The following CDCA2 variants were observed in gnomAD, a reference collection of about 807,000 sequenced individuals.
CDCA2 encodes the protein cell division cycle associated 2.
CDCA2 carries 44 observed loss-of-function variants against 67.0 expected under a neutral mutation model. That is an observed-to-expected ratio of 0.66 (90% CI 0.52 to 0.84). The LOEUF (loss-of-function observed/expected upper bound fraction) is 0.84. Ranked by LOEUF, CDCA2 falls within the 40% of genes least tolerant of loss-of-function variation. CDCA2 has a pLI of 0.00. For missense variants in CDCA2, 1,253 were observed against 1,203.2 expected, an observed-to-expected ratio of 1.04 and a Z score of -0.61; for synonymous variants, 447 against 418.7, an observed-to-expected ratio of 1.07 and a Z score of -0.82.
At position 25,468,451 on chromosome 8, in the gene CDCA2, T is replaced by C. The variant is rs1310469974; in HGVS notation, c.735+38T>C. On this transcript the variant is annotated intron_variant, in intron 6 of 14. Coordinates refer to ENST00000330560, the MANE Select transcript of CDCA2 (RefSeq NM_152562.4). ...CTTTACGCATAGGAAAATGAAGTTG[T>C]TGGTTTTCTGCATAGGCAGTTTTAA... The C allele has an allele frequency of 3.8e-6, 6 of 1,567,788 alleles. No homozygotes were observed. In the African/African-American group the frequency reaches 5.4e-5, roughly 14 times the overall value.
In CDCA2 at chr8:25,507,492, G is replaced by A; in HGVS notation, c.2826G>A (p.Val942=). Residue 942 remains valine, a synonymous_variant, in exon 15 of 15, where the codon GTG becomes GTA. Coordinates refer to ENST00000330560, the MANE Select transcript of CDCA2 (RefSeq NM_152562.4). The stretch of plus-strand genomic sequence containing the variant: ...GTATGTCTCCCATAAAAGAAACTGT[G>A]TCCTCCAGACAAAAACCGCAGATGG... ...FESMSPIKET[V]SSRQKPQMAP... 1.2e-6 allele frequency: 2 copies of A among 1,613,844 alleles called. No homozygotes were observed. The highest frequency in any genetic ancestry group is 1.7e-6 in the Non-Finnish European group (2 of 1,179,950).
intron 7 of CDCA2, among the ~76,000 whole-genome samples, chr8:25,473,967 C>CA (rs1006006085): frequency 1.3e-5 from 2 of 151,938 alleles, no homozygotes; most frequent in Non-Finnish European, 2.9e-5. Context: ...TTGTCAGATA[C>CA]AAAAAAAGGT....
At chr8:25,494,567 A>T (rs937972690) in intron 13 of CDCA2, among the ~76,000 whole-genome samples, 3 of 152,144 alleles carry the variant, frequency 2.0e-5, no homozygotes, top group African/African-American at 2.4e-5. Context: ...TGGTATCCAC[A>T]GGAGGTCCTG....
chr8:25,481,639 G>A (rs934205230), intron 8 of CDCA2, among the ~76,000 whole-genome samples: 3 of 152,058 alleles, frequency 2.0e-5, no homozygotes, highest in African/African-American at 4.8e-5. Context: ...TCAGTGAGCC[G>A]AGATTGTGCC....
At position 25,506,864 on chromosome 8, in the gene CDCA2, T is replaced by C. The variant is rs1429945962; in HGVS notation, c.2198T>C (p.Leu733Pro). ...GATAGTCCCAAACCTGCTCTGACCC[T>C]GCAGCAGGGTCAAGAATTTTCTGCT... The part of the protein sequence containing the change: ...ASDSPKPALT[L>P]QQGQEFSAGG... Residue 733 changes from leucine (L) to proline (P), a missense_variant, in exon 15 of 15, where the codon CTG (leucine) becomes CCG (proline). Physicochemically the swap from Leu to Pro is moderately conservative, Grantham distance 98. Transcript: ENST00000330560. 1 of 1,613,056 alleles carries C rather than the reference T, an allele frequency of 6.2e-7. No homozygotes were observed. The highest frequency in any genetic ancestry group is 8.5e-7 in the Non-Finnish European group (1 of 1,179,684).
chr8:25,467,505 GA>G (rs1309083791), intron 5 of CDCA2, among the ~76,000 whole-genome samples: 1 of 151,476 alleles, frequency 6.6e-6, no homozygotes, highest in Non-Finnish European at 1.5e-5. Context: ...TTTTTAGCTA[GA>G]AAAAAACAGG....
At chr8:25,489,037 C>G (rs1026735325) in intron 13 of CDCA2, among the ~76,000 whole-genome samples, 10 of 152,084 alleles carry the variant, frequency 6.6e-5, no homozygotes, top group Admixed American at 4.6e-4. Flanking sequence ...CCGCTTGCTA[C>G]TTCTTAGATT....
At position 25,462,210 on chromosome 8, in the gene CDCA2, T is replaced by A. The variant is rs781554956; in HGVS notation, c.387+2T>A. The A allele has an allele frequency of 6.2e-7, 1 of 1,613,768 alleles. No individual in the cohort carries two copies. Among genetic ancestry groups the A allele is most frequent in the Non-Finnish European group, 8.5e-7 (1 of 1,179,690 alleles). On this transcript the variant is annotated splice_donor_variant, in intron 4 of 14. Coordinates refer to ENST00000330560, the MANE Select transcript of CDCA2 (RefSeq NM_152562.4). LOFTEE classifies it high-confidence loss of function. ...TTGGCACAAGATTCTCCTTCCCAGGTATGATTTTCTTCTAAGTTCTGTCGT... is the reference window on the plus strand; with the variant it reads ...TTGGCACAAGATTCTCCTTCCCAGGAATGATTTTCTTCTAAGTTCTGTCGT...
chr8:25,506,572 A>G lies in CDCA2; in HGVS notation c.1906A>G (p.Lys636Glu), dbSNP rs1804684203. 1.2e-6 allele frequency: 2 copies of G among 1,601,182 alleles called. No homozygotes were observed. Among genetic ancestry groups the G allele is most frequent in the African/African-American group, 1.3e-5 (1 of 74,092 alleles). The change falls in exon 15 of 15, where the codon AAG (lysine) becomes GAG (glutamate). Residue 636 changes from lysine to glutamate, a missense_variant. Lys to Glu is a moderately conservative substitution (Grantham distance 56, BLOSUM62 1). Transcript: ENST00000330560. ...VKTPKNPVKR[K>E]DLLRHDPDLH... Reference sequence around the variant, plus strand: ...GACTCCTAAAAATCCAGTGAAAAGAAAGGATCTTTTGCGTCATGACCCAGA... The same window carrying G: ...GACTCCTAAAAATCCAGTGAAAAGAGAGGATCTTTTGCGTCATGACCCAGA...
At position 25,488,817 on chromosome 8, in the gene CDCA2, C is replaced by T. The variant is rs905253666; in HGVS notation, c.1671+128C>T. The T allele has an allele frequency of 5.9e-5, 52 of 881,896 alleles. No individual in the cohort carries two copies. The South Asian group carries it at 6.9e-4, about 12-fold the overall frequency. 54.6% of individuals were successfully genotyped at this position (881,896 alleles called of 1,614,324 possible). ...ACCAAGATTATTAATGCAATCTTAC[C>T]GTGGAGTAGAATGGGGTGGGGGGGT... On this transcript the variant is annotated intron_variant, in intron 13 of 14. Coordinates refer to ENST00000330560, the MANE Select transcript of CDCA2 (RefSeq NM_152562.4).
At chr8:25,499,715 A>T (rs1804394276) in intron 13 of CDCA2, among the ~76,000 whole-genome samples, 1 of 152,194 alleles carries the variant, frequency 6.6e-6, no homozygotes. Flanking sequence ...GACCTCCTTC[A>T]CTGTGTGAGA....
intron 4 of CDCA2, among the ~76,000 whole-genome samples, chr8:25,464,266 A>G (rs1204110962): frequency 6.6e-6 from 1 of 152,134 alleles, no homozygotes; most frequent in African/African-American, 2.4e-5. Flanking sequence ...AATTTTAAAA[A>G]TTATCTGGGT....
In CDCA2 at chr8:25,488,622, A is replaced by G; in HGVS notation, c.1604A>G (p.Lys535Arg). Reference sequence around the variant, plus strand: ...ACAGAAGTTCAGCCTTGTAAAGAAAAGAAAATTAATAGGAGGAAGTCTCAA... The same window carrying G: ...ACAGAAGTTCAGCCTTGTAAAGAAAGGAAAATTAATAGGAGGAAGTCTCAA... ...LNTEVQPCKE[K>R]KINRRKSQET... Residue 535 changes from lysine to arginine, a missense_variant, in exon 13 of 15, where the codon AAG becomes AGG. Coordinates refer to ENST00000330560, the MANE Select transcript of CDCA2 (RefSeq NM_152562.4). 1 of 1,613,356 alleles carries G rather than the reference A, an allele frequency of 6.2e-7. No homozygotes were observed. The highest frequency in any genetic ancestry group is 8.5e-7 in the Non-Finnish European group (1 of 1,179,766).
In CDCA2 at chr8:25,487,350, T is replaced by G. The variant is rs530789228; in HGVS notation, c.1533+16T>G. 6.7e-7 allele frequency: 1 copy of G among 1,490,714 alleles called. No individual in the cohort carries two copies. The highest frequency in any genetic ancestry group is 2.3e-5 in the East Asian group (1 of 44,110). 92.3% of individuals were successfully genotyped at this position (1,490,714 alleles called of 1,614,324 possible). On this transcript the variant is annotated intron_variant, in intron 12 of 14. Coordinates refer to ENST00000330560, the MANE Select transcript of CDCA2 (RefSeq NM_152562.4). ...CAGAAGAAATGTAAGTGTTTGTGTT[T>G]GGCACAACGTATTTGTTTTTAAATC...
chr8:25,495,421 C>A (rs1300242855), intron 13 of CDCA2, among the ~76,000 whole-genome samples: 1 of 148,120 alleles, frequency 6.8e-6, no homozygotes, highest in Non-Finnish European at 1.5e-5. Flanking sequence ...TGGGATAAAT[C>A]TTTTTTTTTT....
chr8:25,471,216 T>G (rs867806548), intron 7 of CDCA2, among the ~76,000 whole-genome samples: 8 of 152,360 alleles, frequency 5.3e-5, no homozygotes, highest in South Asian at 4.1e-4. Flanking sequence ...TTAGCATTTT[T>G]GTAGTGAGCA....
intron 7 of CDCA2, among the ~76,000 whole-genome samples, chr8:25,478,888 G>GTGTATATATATATATATATATATATATA (rs1006353040): frequency 2.7e-5 from 3 of 111,594 alleles, no homozygotes; most frequent in African/African-American, 1.2e-4. Flanking sequence ...TTGTGTGTGT[G>GTGTATATATATATATATATATATATATA]TATATATATA....
chr8:25,468,835 G>A (rs1230721569), intron 6 of CDCA2, among the ~76,000 whole-genome samples: 1 of 152,098 alleles, frequency 6.6e-6, no homozygotes, highest in African/African-American at 2.4e-5. Context: ...TCTGTGTGGG[G>A]TGTACTCCAC....
rs946448047 is a variant in CDCA2 at position 25,507,795 on chromosome 8, G to C, written c.*57G>C. The C allele has an allele frequency of 6.5e-7, 1 of 1,535,170 alleles. No individual in the cohort carries two copies. On this transcript the variant is annotated 3_prime_UTR_variant, in exon 15 of 15. Coordinates refer to ENST00000330560, the MANE Select transcript of CDCA2 (RefSeq NM_152562.4). ...GGAAAGTAACCATCTATGCTGAAAT[G>C]ATCTGTCTAGTTCCCATTCTCTGTT... is the stretch of plus-strand genomic sequence containing the variant.
Sources: allele counts gnomAD v4.1 joint callset (sites outside exome capture counted in the v4.1 genomes callset), GRCh38; gene constraint gnomAD v4.1.1; transcripts MANE v1.5; gene names NCBI Gene and HGNC (gene_info 2026-07-23, HGNC 2026-07-21).